Variants in CSMD1 observed in about 807,000 individuals in gnomAD.
The protein encoded by CSMD1 is CUB and sushi domain-containing protein 1.
Under a neutral mutation model 417.5 loss-of-function variants are expected in CSMD1, and 213 were observed. The ratio of observed to expected loss-of-function variants is 0.51; its 90% CI spans 0.46 to 0.57. The LOEUF is 0.57. CSMD1 is among the 20% of genes least tolerant of loss of function. The pLI is 0.00. For synonymous variants in CSMD1, 2,862 were observed against 1,736.8 expected (o/e 1.65, Z -16.11); for missense variants, 6,923 against 4,529.7 (o/e 1.53, Z -15.17).
chr8:4,469,603 CTG>C (rs909621196), intron 2 of CSMD1, among the ~76,000 whole-genome samples: 17 of 152,134 alleles, frequency 1.1e-4, no homozygotes, highest in Admixed American at 2.0e-4. Flanking sequence ...GTCTTTGACT[CTG>C]TGTATTCCTG....
At position 3,573,034 on chromosome 8, in the gene CSMD1, C is replaced by CTCT. The variant is rs33961084; in HGVS notation, c.1344+1910_1344+1911insAGA. On this transcript the variant is annotated intron_variant, in intron 10 of 69. Coordinates refer to ENST00000635120, the MANE Select transcript of CSMD1 (RefSeq NM_033225.6). The stretch of plus-strand genomic sequence containing the variant: ...TTTTAATTCAAATTGAAATAAAACT[C>CTCT]TTTTTTGTTAGACAAATTAATGAGA... 4.6e-3 allele frequency among the ~76,000 whole-genome samples: 703 copies of CTCT among 151,816 alleles called. 3 individuals are homozygous for CTCT. Among genetic ancestry groups the CTCT allele is most frequent in the African/African-American group, 0.016 (644 of 41,380 alleles).
intron 47 of CSMD1, among the ~76,000 whole-genome samples, chr8:3,094,375 G>A (rs1318238718): frequency 6.6e-6 from 1 of 152,164 alleles, no homozygotes; most frequent in Non-Finnish European, 1.5e-5. Context: ...AAAGTGCTGG[G>A]ATTACAGGCG....
intron 3 of CSMD1, among the ~76,000 whole-genome samples, chr8:4,185,102 G>A (rs1423743718): frequency 1.5e-5 from 2 of 130,798 alleles, no homozygotes; most frequent in East Asian, 2.2e-4. Flanking sequence ...TCGCACCACT[G>A]CACTCCAGCC....
At chr8:3,957,631 C>T (rs915383011) in intron 5 of CSMD1, among the ~76,000 whole-genome samples, 1 of 151,864 alleles carries the variant, frequency 6.6e-6, no homozygotes, top group Non-Finnish European at 1.5e-5. Context: ...TTGCAGTGAA[C>T]TATAGTCATG....
chr8:4,183,084 C>T (rs953401027), intron 3 of CSMD1, among the ~76,000 whole-genome samples: 7 of 152,138 alleles, frequency 4.6e-5, no homozygotes, highest in African/African-American at 1.7e-4. Flanking sequence ...ACACTCATAT[C>T]ACAGCGACAC....
chr8:4,701,959 G>A (rs1807586288), intron 1 of CSMD1, among the ~76,000 whole-genome samples: 2 of 152,136 alleles, frequency 1.3e-5, no homozygotes, highest in Admixed American at 6.5e-5. Context: ...TCCTTTGCAG[G>A]GGCATGGATG....
Position 3,106,890 on chromosome 8 carries a change from C to T in CSMD1, c.6836-249G>A, listed in dbSNP as rs1368739005. The T allele has an allele frequency of 8.8e-6, 3 of 341,626 alleles. No homozygotes were observed. In the East Asian group the frequency reaches 1.5e-4, roughly 17 times the overall value. 21.2% of individuals were successfully genotyped at this position (341,626 alleles called of 1,614,324 possible). A position where few individuals can be genotyped will look rare whatever the true frequency, so the allele number is the denominator to read the frequency against. ...GGCAGCTTTTCTTCCTTGACTGAGG[C>T]ATCCGTGTTGGTTTCCCTTCCCCAG... On this transcript the variant is annotated intron_variant, in intron 45 of 69. Coordinates refer to ENST00000635120, the MANE Select transcript of CSMD1 (RefSeq NM_033225.6).
intron 3 of CSMD1, among the ~76,000 whole-genome samples, chr8:4,079,886 G>C (rs1208643940): frequency 6.6e-6 from 1 of 152,056 alleles, no homozygotes; most frequent in African/African-American, 2.4e-5. Context: ...TCATAGGCTG[G>C]GGCAGAAGGG....
chr8:4,531,175 G>A (rs565236502), intron 2 of CSMD1, among the ~76,000 whole-genome samples: 6 of 152,250 alleles, frequency 3.9e-5, no homozygotes, highest in Admixed American at 3.9e-4. Context: ...GTCACCAAAT[G>A]TATATATCGC....
chr8:3,104,593 A>G (rs1815994689), intron 46 of CSMD1, among the ~76,000 whole-genome samples: 1 of 152,130 alleles, frequency 6.6e-6, no homozygotes, highest in Non-Finnish European at 1.5e-5. Flanking sequence ...TCATTCCAAA[A>G]TGTATGCCAA....
intron 6 of CSMD1, among the ~76,000 whole-genome samples, chr8:3,751,430 A>T (rs1203771376): frequency 6.8e-6 from 1 of 148,080 alleles, no homozygotes; most frequent in East Asian, 1.9e-4. Context: ...ATATAACTAC[A>T]TACAGTTTAT....
intron 60 of CSMD1, among the ~76,000 whole-genome samples, 198 bp downstream of exon 60, chr8:2,963,024 G>C (rs533178201): frequency 2.0e-5 from 3 of 152,226 alleles, no homozygotes; most frequent in African/African-American, 7.2e-5. Flanking sequence ...CTCCATCCTG[G>C]GCAACAGAGT....
At chr8:3,289,868 T>G (rs1219849607) in intron 25 of CSMD1, among the ~76,000 whole-genome samples, 4 of 147,724 alleles carry the variant, frequency 2.7e-5, no homozygotes, top group Non-Finnish European at 1.5e-5. Flanking sequence ...TTGTTGCCAT[T>G]GCTTTTGGCA....
intron 11 of CSMD1, among the ~76,000 whole-genome samples, chr8:3,481,187 A>T (rs1265095573): frequency 6.7e-6 from 1 of 149,210 alleles, no homozygotes; most frequent in Non-Finnish European, 1.5e-5. Context: ...AAACCAGAGT[A>T]GTTGGTAGAC....
At chr8:3,909,327 T>G (rs190693531) in intron 5 of CSMD1, among the ~76,000 whole-genome samples, 1 of 152,136 alleles carries the variant, frequency 6.6e-6, no homozygotes, top group South Asian at 2.1e-4. Flanking sequence ...GTGATTCGTG[T>G]GGGCATCCTT....
intron 7 of CSMD1, among the ~76,000 whole-genome samples, chr8:3,661,306 G>A (rs117032291): frequency 6.6e-6 from 1 of 152,234 alleles, no homozygotes; most frequent in East Asian, 1.9e-4. Flanking sequence ...TTCAAACTGT[G>A]CTCAAACAAG....
intron 3 of CSMD1, among the ~76,000 whole-genome samples, chr8:4,093,054 T>C (rs1800804829): frequency 6.6e-6 from 1 of 152,192 alleles, no homozygotes; most frequent in Non-Finnish European, 1.5e-5. Context: ...TATTGCATAG[T>C]TTGAACAAGT....
chr8:3,702,501 G>A (rs185685462), intron 7 of CSMD1, among the ~76,000 whole-genome samples: 1,578 of 152,310 alleles, frequency 0.01, 31 homozygotes, highest in African/African-American at 0.036. Context: ...CTCAGAAGAA[G>A]AAGAAGAAAT....
Position 3,135,104 on chromosome 8 carries a change from C to G in CSMD1, c.6241+7361G>C, listed in dbSNP as rs569217211. ...ACGCCCAGCTAATTTTTTGTAGAGA[C>G]AGGGTCTCACCATGTTACCCAGGCT... On this transcript the variant is annotated intron_variant, in intron 41 of 69. Transcript: ENST00000635120. Among the ~76,000 whole-genome samples, 4 of 152,228 alleles carry G rather than the reference C, an allele frequency of 2.6e-5. No individual in the cohort carries two copies. In the East Asian group the frequency reaches 5.8e-4, roughly 22 times the overall value.
Sources: gnomAD v4.1 joint callset for allele counts (sites outside exome capture counted in the v4.1 genomes callset) on GRCh38, gnomAD v4.1.1 for gene constraint, MANE v1.5 for transcripts, NCBI Gene and HGNC (gene_info 2026-07-23, HGNC 2026-07-21) for gene names.